FCER2: variants seen among roughly 807,000 people sequenced by gnomAD.
The protein encoded by FCER2 is Fc epsilon receptor II.
A neutral mutation model predicts 49.7 loss-of-function variants in FCER2; 38 were observed. The ratio of observed to expected loss-of-function variants is 0.76; its 90% CI spans 0.59 to 1.00. The LOEUF (loss-of-function observed/expected upper bound fraction) is 1.00, where lower values mean the gene tolerates loss of function less well. Among genes scored for constraint, FCER2 ranks in the 50% least tolerant of loss-of-function variants. The pLI is 0.00. For synonymous variants in FCER2, 163 were observed against 164.6 expected (o/e 0.99, Z 0.07); for missense variants, 425 against 419.5 (o/e 1.01, Z -0.11).
chr19:7,697,129 G>C (rs1168277306), intron 6 of FCER2, 54 bp from the exon 7 acceptor site: 1 of 1,609,314 alleles, frequency 6.2e-7, no homozygotes, highest in Non-Finnish European at 8.5e-7. Flanking sequence ...TACAGGCCGA[G>C]GGTGCCCCCC....
intron 8 of FCER2, among the ~76,000 whole-genome samples, chr19:7,691,646 C>T (rs759733934): frequency 3.9e-5 from 6 of 152,052 alleles, no homozygotes; most frequent in Non-Finnish European, 8.8e-5. Context: ...CCACCAACAC[C>T]AGCACCACAA....
Position 7,697,595 on chromosome 19 carries a change from G to A in FCER2, c.191-6C>T, listed in dbSNP as rs2033051473. The A allele has an allele frequency of 6.2e-7, 1 of 1,613,830 alleles. No homozygotes were observed. Among genetic ancestry groups the A allele is most frequent in the East Asian group, 2.2e-5 (1 of 44,882 alleles). Reference sequence around the variant, plus strand: ...GTTCTTGGAAACTTGAGAGACTGGAGCGGCGGGAGAGAAGAGATATCCCAG... The same window carrying A: ...GTTCTTGGAAACTTGAGAGACTGGAACGGCGGGAGAGAAGAGATATCCCAG... On this transcript the variant is annotated splice_polypyrimidine_tract_variant and splice_region_variant and intron_variant, in intron 4 of 10. Coordinates refer to ENST00000597921, the MANE Select transcript of FCER2 (RefSeq NM_001220500.2).
At chr19:7,701,196 T>G (rs1380724830) in intron 1 of FCER2, among the ~76,000 whole-genome samples, 2 of 152,206 alleles carry the variant, frequency 1.3e-5, no homozygotes, top group Non-Finnish European at 2.9e-5. Context: ...GGCTACCTTC[T>G]TTCGCTGCTT....
intron 1 of FCER2, among the ~76,000 whole-genome samples, chr19:7,700,560 G>C (rs1428807413): frequency 6.6e-6 from 1 of 152,124 alleles, no homozygotes; most frequent in African/African-American, 2.4e-5. Context: ...TGTTGCCCAG[G>C]CTGGAGTGCA....
At chr19:7,697,407 AGTTTGCAGTTCCCGG>A in intron 5 of FCER2, 105 bp downstream of exon 5, 3 of 1,471,266 alleles carry the variant, frequency 2.0e-6, no homozygotes, top group Non-Finnish European at 1.9e-6. Context: ...CCACCTGCTC[AGTTTGCAGTTCCCGG>A]GTGTCGGGGG....
chr19:7,698,024 C>T (rs370782031), intron 4 of FCER2, among the ~76,000 whole-genome samples: 11 of 152,266 alleles, frequency 7.2e-5, no homozygotes, highest in Admixed American at 2.0e-4. Context: ...AACCAATATG[C>T]GTTTAGTGGA....
At chr19:7,693,937 C>A (rs1056353250) in intron 8 of FCER2, among the ~76,000 whole-genome samples, 1 of 151,496 alleles carries the variant, frequency 6.6e-6, no homozygotes, top group Non-Finnish European at 1.5e-5. Flanking sequence ...GCATGAGCCA[C>A]CATGCCCAGC....
intron 8 of FCER2, among the ~76,000 whole-genome samples, chr19:7,694,730 G>T (rs2032969067): frequency 6.6e-6 from 1 of 152,174 alleles, no homozygotes; most frequent in African/African-American, 2.4e-5. Context: ...CTCTGCCCCA[G>T]TTAGGGCAGC....
intron 2 of FCER2, 62 bp from the exon 3 acceptor site, chr19:7,698,916 T>C (rs1456818335): frequency 5.9e-6 from 9 of 1,520,426 alleles, no homozygotes; most frequent in Admixed American, 3.9e-5. Flanking sequence ...GCCCTGTCCG[T>C]CTCTCCATTA....
At chr19:7,690,131 C>G in intron 10 of FCER2, 28 bp downstream of exon 10, 1 of 1,402,148 alleles carries the variant, frequency 7.1e-7, no homozygotes, top group Non-Finnish European at 1.0e-6. Context: ...CCATCTCCTC[C>G]CCTGGATCCC....
At position 7,698,955 on chromosome 19, in the gene FCER2, G is replaced by A. The variant is rs1335937248; in HGVS notation, c.23-101C>T. The A allele has an allele frequency of 7.8e-6, 10 of 1,286,708 alleles. No homozygotes were observed. In the Admixed American group the frequency reaches 1.8e-4, roughly 23 times the overall value. The allele number at this position is 1,286,708 out of a possible 1,614,324, so 79.7% of individuals were successfully genotyped here. ...AGAGCCCCCGACAGCCTGGGAGCTT[G>A]TCCAGAGCCCACACTGAAGCAAAGG... On this transcript the variant is annotated intron_variant, in intron 2 of 10. Transcript: ENST00000597921.
At chr19:7,690,914 C>G (rs536496162) in intron 8 of FCER2, among the ~76,000 whole-genome samples, 6 of 152,260 alleles carry the variant, frequency 3.9e-5, no homozygotes, top group Admixed American at 3.9e-4. Context: ...ATATGGTCAA[C>G]ACCATGACCA....
At chr19:7,698,329 AC>A (rs2033070147) in intron 4 of FCER2, 26 bp downstream of exon 4, 2 of 1,520,758 alleles carry the variant, frequency 1.3e-6, no homozygotes, top group Non-Finnish European at 1.8e-6. Context: ...CCTCACCCCC[AC>A]CCCCTCCACC....
intron 8 of FCER2, among the ~76,000 whole-genome samples, chr19:7,692,979 AACC>A (rs1425795771): frequency 1.3e-5 from 2 of 152,082 alleles, no homozygotes; most frequent in African/African-American, 2.4e-5. Flanking sequence ...GCAGCACTTC[AACC>A]ACCAACAAAC....
rs1400063852 is a variant in FCER2, at chr19:7,690,507, A to C, written c.520T>G (p.Cys174Gly). 4 of 1,614,072 alleles carry C rather than the reference A, an allele frequency of 2.5e-6. No individual in the cohort carries two copies. The highest frequency in any genetic ancestry group is 3.4e-6 in the Non-Finnish European group (4 of 1,179,974). The change falls in exon 9 of 11, where the codon TGC becomes GGC. Residue 174 changes from cysteine to glycine, a missense_variant. Transcript: ENST00000597921. ...PEKWINFQRK[C>G]YYFGKGTKQW... ...TTGGTGCCCTTGCCGAAGTAGTAGC[A>C]CTTCCGTTGGAAATTGATCCACTTT...
rs561674431 is a variant in FCER2 at position 7,695,175 on chromosome 19, C to G, written c.469+1650G>C. 1.1e-4 allele frequency among the ~76,000 whole-genome samples: 17 copies of G among 152,296 alleles called. 1 individual carries two copies. The South Asian group carries it at 3.3e-3, about 30-fold the overall frequency. Reference sequence around the variant, plus strand: ...AGGGTACAGTGACTGAATGTCTGCTCTCTCTGCAGCCTGCTAGCCTCCTGA... The same window carrying G: ...AGGGTACAGTGACTGAATGTCTGCTGTCTCTGCAGCCTGCTAGCCTCCTGA... On this transcript the variant is annotated intron_variant, in intron 8 of 10. Coordinates refer to ENST00000597921, the MANE Select transcript of FCER2 (RefSeq NM_001220500.2).
At chr19:7,700,315 T>G (rs2033125504) in intron 1 of FCER2, among the ~76,000 whole-genome samples, 1 of 152,098 alleles carries the variant, frequency 6.6e-6, no homozygotes, top group South Asian at 2.1e-4. Flanking sequence ...GAGGCCAAGA[T>G]AGGATCCAAT....
intron 1 of FCER2, among the ~76,000 whole-genome samples, chr19:7,701,270 G>C (rs2033147523): frequency 6.6e-6 from 1 of 152,176 alleles, no homozygotes; most frequent in Non-Finnish European, 1.5e-5. Flanking sequence ...GCCAGGCTCT[G>C]ATTAGCGGCA....
chr19:7,696,002 C>T (rs907548507), intron 8 of FCER2, among the ~76,000 whole-genome samples: 1 of 147,798 alleles, frequency 6.8e-6, no homozygotes, highest in Non-Finnish European at 1.5e-5. Context: ...AGCATGATCT[C>T]GGCTCACTGC....
Sources: allele counts gnomAD v4.1 joint callset (sites outside exome capture counted in the v4.1 genomes callset), GRCh38; gene constraint gnomAD v4.1.1; transcripts MANE v1.5; gene names NCBI Gene and HGNC (gene_info 2026-07-23, HGNC 2026-07-21).